Variants in CNGB3 observed in about 807,000 individuals in gnomAD.
The protein encoded by CNGB3 is cyclic nucleotide-gated channel beta-3.
CNGB3 carries 86 observed loss-of-function variants against 92.8 expected under a neutral mutation model. The ratio of observed to expected loss-of-function variants is 0.93; its 90% CI spans 0.78 to 1.11. The LOEUF is 1.11. CNGB3 is among the 50% of genes least tolerant of loss of function. The pLI is 0.00. For missense variants in CNGB3, 1,026 were observed against 956.8 expected, an observed-to-expected ratio of 1.07 and a Z score of -0.95; for synonymous variants, 333 against 332.7, an observed-to-expected ratio of 1.00 and a Z score of -0.01.
At chr8:86,694,489 C>T (rs1824404572) in intron 3 of CNGB3, among the ~76,000 whole-genome samples, 2 of 151,534 alleles carry the variant, frequency 1.3e-5, no homozygotes, top group South Asian at 4.2e-4. Context: ...CGGAGGGTCT[C>T]CTCACTTCTC....
chr8:86,648,892 T>C (rs976228847), intron 7 of CNGB3, among the ~76,000 whole-genome samples: 1 of 151,302 alleles, frequency 6.6e-6, no homozygotes, highest in Non-Finnish European at 1.5e-5. Context: ...TATGATCGTA[T>C]CCTAGAAAAC....
intron 13 of CNGB3, among the ~76,000 whole-genome samples, chr8:86,613,572 A>G (rs11987718): frequency 2.8e-3 from 433 of 152,310 alleles, no homozygotes; most frequent in African/African-American, 0.01. Context: ...ATATTTCTGC[A>G]ATGAAGGTAA....
chr8:86,604,238 G>A (rs1295850560), intron 14 of CNGB3, 27 bp from the exon 15 acceptor site: 16 of 1,372,400 alleles, frequency 1.2e-5, no homozygotes, highest in African/African-American at 2.9e-5. Context: ...AAGAGGAAAT[G>A]GTAGTTACTT....
chr8:86,636,374 C>A (rs1375292253), intron 10 of CNGB3, among the ~76,000 whole-genome samples: 1 of 151,580 alleles, frequency 6.6e-6, no homozygotes, highest in African/African-American at 2.4e-5. Flanking sequence ...GAGTTTGAGA[C>A]CAGTCTGGCC....
In CNGB3 at chr8:86,692,181, T is replaced by A. The variant is rs116017344; in HGVS notation, c.339-21083A>T. Among the ~76,000 whole-genome samples, 767 of 152,336 alleles carry A rather than the reference T, an allele frequency of 5.0e-3. 10 individuals are homozygous for A. Among genetic ancestry groups the A allele is most frequent in the African/African-American group, 0.017 (716 of 41,582 alleles). On this transcript the variant is annotated intron_variant, in intron 3 of 17. Coordinates refer to ENST00000320005, the MANE Select transcript of CNGB3 (RefSeq NM_019098.5). The stretch of plus-strand genomic sequence containing the variant: ...TCTTGGGGAATGGTCCACGTACTTA[T>A]GAAAAGAATGTATAGTCTGCAGTTA...
chr8:86,703,969 G>A (rs1824604625), intron 3 of CNGB3: 2 of 151,984 alleles, frequency 1.3e-5, no homozygotes, highest in South Asian at 2.1e-4. Flanking sequence ...AAAATTTATT[G>A]CAAATTACAG....
At chr8:86,705,402 C>T (rs139920491) in intron 3 of CNGB3, among the ~76,000 whole-genome samples, 55 of 152,178 alleles carry the variant, frequency 3.6e-4, no homozygotes, top group African/African-American at 1.3e-3. Flanking sequence ...GACCTGCCCC[C>T]GCTGCCCCCA....
intron 3 of CNGB3, among the ~76,000 whole-genome samples, chr8:86,695,317 G>C (rs981143063): frequency 1.3e-5 from 2 of 151,826 alleles, no homozygotes; most frequent in Admixed American, 6.6e-5. Context: ...CCATGGGGAG[G>C]GGGAGAGGGA....
Position 86,726,544 on chromosome 8 carries a change from C to G in CNGB3, c.325G>C (p.Glu109Gln). The change falls in exon 3 of 18, where the codon GAA becomes CAA. Residue 109 changes from glutamate (E) to glutamine (Q), a missense_variant. By Grantham distance (29) the Glu-to-Gln change is conservative (BLOSUM62 2). Transcript: ENST00000320005. ...PEQKEMDPGK[E>Q]GPNSPQNKPP... ...TTAAATGCTCACCTGTTTGGACCTT[C>G]TTTCCCGGGGTCCATTTCCTTCTGC... The G allele has an allele frequency of 1.2e-6, 2 of 1,613,820 alleles. No homozygotes were observed. Among genetic ancestry groups the G allele is most frequent in the Non-Finnish European group, 1.7e-6 (2 of 1,179,766 alleles).
At chr8:86,606,871 A>G (rs564917925) in intron 14 of CNGB3, among the ~76,000 whole-genome samples, 27 of 152,324 alleles carry the variant, frequency 1.8e-4, no homozygotes, top group African/African-American at 6.0e-4. Context: ...ATACATGAAG[A>G]CAGACCACAT....
At chr8:86,709,845 T>C (rs1824719729) in intron 3 of CNGB3, among the ~76,000 whole-genome samples, 1 of 152,148 alleles carries the variant, frequency 6.6e-6, no homozygotes, top group Non-Finnish European at 1.5e-5. Context: ...TCATAAAATT[T>C]CCATCAGAAA....
At chr8:86,688,669 T>G (rs1824236514) in intron 3 of CNGB3, among the ~76,000 whole-genome samples, 1 of 152,098 alleles carries the variant, frequency 6.6e-6, no homozygotes, top group Admixed American at 6.6e-5. Context: ...TAATGTCTCC[T>G]TTTTCATCTC....
At chr8:86,582,641 A>T (rs1170135103) in intron 15 of CNGB3, among the ~76,000 whole-genome samples, 1 of 152,194 alleles carries the variant, frequency 6.6e-6, no homozygotes, top group East Asian at 1.9e-4. Context: ...CAGATTTTTA[A>T]ATTAGAAGCC....
At chr8:86,632,677 C>T in intron 11 of CNGB3, 75 bp downstream of exon 11, 1 of 1,477,992 alleles carries the variant, frequency 6.8e-7, no homozygotes, top group Non-Finnish European at 9.3e-7. Context: ...AATTTTTCCT[C>T]CATAAAGTTT....
Position 86,624,144 on chromosome 8 carries a change from C to T in CNGB3, c.1578+1839G>A, listed in dbSNP as rs535568170. Among the ~76,000 whole-genome samples the T allele has an allele frequency of 1.6e-4, 25 of 152,300 alleles. No homozygotes were observed. In the South Asian group the frequency reaches 3.1e-3, roughly 19 times the overall value. ...AATTTACAGTCTATAGATGACTGGG[C>T]GCAGTGGCTCATGCCTGTAATTCCA... On this transcript the variant is annotated intron_variant, in intron 13 of 17. Coordinates refer to ENST00000320005, the MANE Select transcript of CNGB3 (RefSeq NM_019098.5).
Position 86,668,135 on chromosome 8 carries a change from C to T in CNGB3, c.527G>A (p.Ser176Asn), listed in dbSNP as rs750225207. 6.2e-7 allele frequency: 1 copy of T among 1,613,376 alleles called. No homozygotes were observed. The highest frequency in any genetic ancestry group is 8.5e-7 in the Non-Finnish European group (1 of 1,179,906). Reference protein sequence around the residue: ...KPTAVPPVKESDDKPTEHYYR... With the variant: ...KPTAVPPVKENDDKPTEHYYR... ...GTAATGTTCTGTTGGCTTATCATCG[C>T]TTTCTTTTACTGGTGGTACAGCCGT... is the stretch of plus-strand genomic sequence containing the variant. Residue 176 changes from serine (S) to asparagine (N), a missense_variant, in exon 5 of 18, where the codon AGC becomes AAC. Physicochemically the swap from Ser to Asn is conservative, Grantham distance 46. Transcript: ENST00000320005.
At chr8:86,650,039 A>C (rs1476392869) in intron 7 of CNGB3, among the ~76,000 whole-genome samples, 1 of 151,428 alleles carries the variant, frequency 6.6e-6, no homozygotes, top group African/African-American at 2.4e-5. Context: ...AAAAACATGA[A>C]AAAAATGCCC....
At chr8:86,684,417 A>C (rs1252802272) in intron 3 of CNGB3, among the ~76,000 whole-genome samples, 1 of 152,094 alleles carries the variant, frequency 6.6e-6, no homozygotes, top group Non-Finnish European at 1.5e-5. Context: ...TGATGCAGTC[A>C]CTCTGGAAAA....
intron 6 of CNGB3, among the ~76,000 whole-genome samples, chr8:86,654,792 A>G (rs1823471786): frequency 1.3e-5 from 2 of 152,132 alleles, no homozygotes; most frequent in South Asian, 4.1e-4. Context: ...TTCTTGGGCT[A>G]GTCATTTAAA....
Sources: allele counts gnomAD v4.1 joint callset (sites outside exome capture counted in the v4.1 genomes callset), GRCh38; gene constraint gnomAD v4.1.1; transcripts MANE v1.5; gene names NCBI Gene and HGNC (gene_info 2026-07-23, HGNC 2026-07-21).